The following PCDH15 variants were observed in gnomAD, a reference collection of about 807,000 sequenced individuals.
PCDH15 encodes protocadherin-15.
PCDH15 carries 129 observed loss-of-function variants against 178.5 expected under a neutral mutation model. That is an observed-to-expected ratio of 0.72 (90% CI 0.63 to 0.84). PCDH15 has a LOEUF of 0.84. Among genes scored for constraint, PCDH15 ranks in the 40% least tolerant of loss-of-function variants. The probability of loss-of-function intolerance (pLI) is 0.00; values close to 1 mark genes in which losing one functional copy is unlikely to be tolerated. For missense variants in PCDH15, 2,230 were observed against 2,099.9 expected (o/e 1.06, Z -1.21); for synonymous variants, 800 against 732.0 (o/e 1.09, Z -1.50).
intron 2 of PCDH15, among the ~76,000 whole-genome samples, chr10:54,956,787 A>G (rs1463211648): frequency 6.6e-6 from 1 of 151,724 alleles, no homozygotes; most frequent in Non-Finnish European, 1.5e-5. Context: ...AATAGTTGAC[A>G]TTGAGAAATA....
At chr10:54,839,563 A>G (rs929953833) in intron 3 of PCDH15, among the ~76,000 whole-genome samples, 1 of 152,120 alleles carries the variant, frequency 6.6e-6, no homozygotes, top group African/African-American at 2.4e-5. Flanking sequence ...GTTCCAGAAA[A>G]AGGAGAGAGA....
intron 2 of PCDH15, among the ~76,000 whole-genome samples, chr10:55,434,180 A>C (rs1009465882): frequency 3.8e-5 from 5 of 130,850 alleles, no homozygotes; most frequent in Non-Finnish European, 4.6e-5. Flanking sequence ...TCCCGGGTTC[A>C]CGCCATTCTC....
intron 8 of PCDH15, among the ~76,000 whole-genome samples, chr10:54,238,717 T>G (rs927388747): frequency 1.4e-5 from 2 of 144,262 alleles, no homozygotes. Context: ...ACACACACTT[T>G]CCCAATAATC....
intron 2 of PCDH15, among the ~76,000 whole-genome samples, chr10:54,601,768 T>C (rs1055909288): frequency 1.3e-5 from 2 of 151,954 alleles, no homozygotes; most frequent in East Asian, 3.9e-4. Flanking sequence ...ATGTGGTACA[T>C]ATGCACCACG....
At chr10:55,260,447 G>A (rs1842119610) in intron 1 of PCDH15, among the ~76,000 whole-genome samples, 1 of 151,924 alleles carries the variant, frequency 6.6e-6, no homozygotes, top group Non-Finnish European at 1.5e-5. Context: ...TTTTCGAGAA[G>A]AAATAAAGTT....
chr10:55,412,395 C>A (rs1838359988), intron 2 of PCDH15, among the ~76,000 whole-genome samples: 1 of 151,962 alleles, frequency 6.6e-6, no homozygotes, highest in Non-Finnish European at 1.5e-5. Context: ...GCCTTAGAAA[C>A]TGTACCTAGA....
chr10:54,366,623 T>C (rs555703361), intron 5 of PCDH15, among the ~76,000 whole-genome samples: 1 of 152,044 alleles, frequency 6.6e-6, no homozygotes, highest in African/African-American at 2.4e-5. Flanking sequence ...AACTAAGTAC[T>C]AGTACTATGG....
chr10:53,961,617 G>GA (rs575612592), intron 22 of PCDH15, 135 bp downstream of exon 22: 971 of 600,668 alleles, frequency 1.6e-3, no homozygotes, highest in South Asian at 2.0e-3. Context: ...GTTTCTAAGA[G>GA]AAAAAAAAAT....
intron 21 of PCDH15, among the ~76,000 whole-genome samples, chr10:53,991,094 C>CA (rs1196413357): frequency 1.3e-5 from 2 of 152,250 alleles, no homozygotes; most frequent in South Asian, 2.1e-4. Context: ...GAACCCCCCC[C>CA]ACCCCCGTGG....
At chr10:54,565,131 T>C (rs761475962) in intron 2 of PCDH15, among the ~76,000 whole-genome samples, 27 of 152,218 alleles carry the variant, frequency 1.8e-4, no homozygotes, top group Non-Finnish European at 3.5e-4. Flanking sequence ...ATCTTTAGAA[T>C]TGAAATTTGG....
intron 2 of PCDH15, among the ~76,000 whole-genome samples, chr10:54,562,821 C>T (rs948522505): frequency 1.3e-5 from 2 of 151,898 alleles, no homozygotes; most frequent in Non-Finnish European, 2.9e-5. Context: ...CATTTCAGGT[C>T]CAAAAACATA....
chr10:54,833,943 A>G (rs1459479271), intron 3 of PCDH15, among the ~76,000 whole-genome samples: 1 of 152,074 alleles, frequency 6.6e-6, no homozygotes, highest in African/African-American at 2.4e-5. Context: ...GGACTAAAAT[A>G]TTTTAATATT....
At chr10:55,099,056 A>AGTGAT (rs1216984380) in intron 2 of PCDH15, among the ~76,000 whole-genome samples, 2 of 151,982 alleles carry the variant, frequency 1.3e-5, no homozygotes, top group East Asian at 3.9e-4. Context: ...TACCCCAGAC[A>AGTGAT]GTGATGCTGA....
intron 2 of PCDH15, among the ~76,000 whole-genome samples, chr10:55,326,378 C>A (rs76077998): frequency 8.4e-4 from 128 of 152,136 alleles, no homozygotes; most frequent in African/African-American, 3.0e-3. Context: ...GTAGTACATG[C>A]ATAGCATGGA....
chr10:55,419,743 T>C (rs948046760), intron 2 of PCDH15, among the ~76,000 whole-genome samples: 10 of 102,550 alleles, frequency 9.8e-5, no homozygotes, highest in African/African-American at 5.3e-4. Flanking sequence ...TCATATTATC[T>C]ATAGTTGCTT....
chr10:55,222,710 T>TACACACACACATAC (rs1554842351), intron 1 of PCDH15, among the ~76,000 whole-genome samples: 2 of 42,194 alleles, frequency 4.7e-5, no homozygotes, highest in African/African-American at 1.7e-4. Context: ...TATATCTTTA[T>TACACACACACATAC]ACACACACAC....
At chr10:55,486,841 T>C (rs905566852) in intron 2 of PCDH15, among the ~76,000 whole-genome samples, 2 of 151,538 alleles carry the variant, frequency 1.3e-5, no homozygotes, top group East Asian at 3.9e-4. Flanking sequence ...TCAATGCTTC[T>C]AAACAGAGGC....
At chr10:55,150,471 A>C (rs995416023) in intron 2 of PCDH15, among the ~76,000 whole-genome samples, 2 of 152,130 alleles carry the variant, frequency 1.3e-5, no homozygotes, top group African/African-American at 2.4e-5. Context: ...CTCCCCCGCC[A>C]AATATTGTGT....
chr10:55,514,566 A>G (rs1299920633), intron 2 of PCDH15, among the ~76,000 whole-genome samples: 1 of 152,208 alleles, frequency 6.6e-6, no homozygotes. Flanking sequence ...GTGTAAAAAT[A>G]TGATTAGACA....
Sources: gnomAD v4.1 joint callset for allele counts (sites outside exome capture counted in the v4.1 genomes callset) on GRCh38, gnomAD v4.1.1 for gene constraint, MANE v1.5 for transcripts, NCBI Gene and HGNC (gene_info 2026-07-23, HGNC 2026-07-21) for gene names.